The following FHIP1A variants were observed in gnomAD, a reference collection of about 807,000 sequenced individuals.
FHIP1A encodes FHF complex subunit HOOK-interacting protein 1A.
A neutral mutation model predicts 88.6 loss-of-function variants in FHIP1A; 61 were observed. The observed-to-expected ratio is 0.69, with a 90% CI of 0.56 to 0.85. The LOEUF (loss-of-function observed/expected upper bound fraction) is 0.85, where lower values mean the gene tolerates loss of function less well. FHIP1A is among the 40% of genes least tolerant of loss of function. The probability of loss-of-function intolerance (pLI) is 0.00; values close to 1 mark genes in which losing one functional copy is unlikely to be tolerated. For missense variants in FHIP1A, 1,154 were observed against 1,273.5 expected (o/e 0.91, Z 1.43); for synonymous variants, 478 against 496.0 (o/e 0.96, Z 0.48).
Position 151,414,342 on chromosome 4 carries a change from C to T in FHIP1A, c.-356+4877C>T, listed in dbSNP as rs142909310. On this transcript the variant is annotated intron_variant, in intron 1 of 13. Transcript: ENST00000435205. The stretch of plus-strand genomic sequence containing the variant: ...GGCTGGGATTACAGGCTTGAGCCAC[C>T]GCGTCTGGCCTCTATCTAGTTTTTA... 2.3e-3 allele frequency among the ~76,000 whole-genome samples: 352 copies of T among 152,266 alleles called. 3 individuals are homozygous for T. Among genetic ancestry groups the T allele is most frequent in the African/African-American group, 8.0e-3 (333 of 41,562 alleles).
intron 6 of FHIP1A, among the ~76,000 whole-genome samples, chr4:151,588,265 C>T (rs545101090): frequency 2.6e-5 from 4 of 151,868 alleles, no homozygotes; most frequent in East Asian, 1.9e-4. Flanking sequence ...TAATGTTTTC[C>T]GCTTTTGAAT....
intron 3 of FHIP1A, among the ~76,000 whole-genome samples, chr4:151,496,709 C>T (rs944729058): frequency 3.4e-5 from 3 of 87,064 alleles, no homozygotes; most frequent in African/African-American, 4.6e-5. Context: ...CATACCACCA[C>T]GTCCAGCTTT....
At chr4:151,542,005 G>A (rs1451036790) in intron 3 of FHIP1A, among the ~76,000 whole-genome samples, 2 of 152,176 alleles carry the variant, frequency 1.3e-5, no homozygotes, top group Non-Finnish European at 2.9e-5. Flanking sequence ...GCCTTGGGAA[G>A]TTCACACCAT....
intron 2 of FHIP1A, among the ~76,000 whole-genome samples, chr4:151,464,242 T>C (rs1729232746): frequency 6.6e-6 from 1 of 152,194 alleles, no homozygotes; most frequent in Non-Finnish European, 1.5e-5. Context: ...TGTATTATAA[T>C]AGAATCACAG....
chr4:151,462,336 T>C (rs2126601934), intron 2 of FHIP1A, among the ~76,000 whole-genome samples: 1 of 152,246 alleles, frequency 6.6e-6, no homozygotes, highest in South Asian at 2.1e-4. Flanking sequence ...TCCGTATCTT[T>C]CTTGGTTTTC....
intron 3 of FHIP1A, among the ~76,000 whole-genome samples, chr4:151,486,228 T>C (rs1396448011): frequency 3.9e-5 from 6 of 152,190 alleles, no homozygotes; most frequent in African/African-American, 1.4e-4. Context: ...GGTACCAGTC[T>C]GGGTCTCAGA....
At position 151,668,163 on chromosome 4, in the gene FHIP1A, T is replaced by C. The variant is rs1159364328; in HGVS notation, c.*5409T>C. Among the ~76,000 whole-genome samples the C allele has an allele frequency of 7.2e-5, 11 of 152,212 alleles. No homozygotes were observed. The highest frequency in any genetic ancestry group is 4.4e-5 in the Non-Finnish European group (3 of 68,032). On this transcript the variant is annotated 3_prime_UTR_variant, in exon 14 of 14. Coordinates refer to ENST00000435205, the MANE Select transcript of FHIP1A (RefSeq NM_001109977.3). ...GTCAGCTCTATTTGCAAATAATCCA[T>C]GAATATGTTTGTCTAAAACCTGCTG... is the stretch of plus-strand genomic sequence containing the variant.
At chr4:151,416,546 T>C (rs1342358584) in intron 1 of FHIP1A, among the ~76,000 whole-genome samples, 1 of 152,170 alleles carries the variant, frequency 6.6e-6, no homozygotes, top group Non-Finnish European at 1.5e-5. Context: ...AAGTATATAG[T>C]GATATAAGGA....
Position 151,578,021 on chromosome 4 carries a change from C to T in FHIP1A, c.677C>T (p.Ser226Phe), listed in dbSNP as rs1296152251. The stretch of plus-strand genomic sequence containing the variant: ...GCATTGCTCTTCATCATGTCTCTTT[C>T]TGCTGAGAACACCATGGTGGCCCAT... Reference protein sequence around the residue: ...RDALLFIMSLSAENTMVAHHI... With the variant: ...RDALLFIMSLFAENTMVAHHI... The change falls in exon 5 of 14, where the codon TCT (serine) becomes TTT (phenylalanine). Residue 226 changes from serine (S) to phenylalanine (F), a missense_variant. Coordinates refer to ENST00000435205, the MANE Select transcript of FHIP1A (RefSeq NM_001109977.3). 1 of 1,551,146 alleles carries T rather than the reference C, an allele frequency of 6.4e-7. No homozygotes were observed. The highest frequency in any genetic ancestry group is 1.2e-5 in the South Asian group (1 of 84,034).
intron 3 of FHIP1A, among the ~76,000 whole-genome samples, chr4:151,558,688 C>T (rs960896304): frequency 6.6e-6 from 1 of 152,154 alleles, no homozygotes; most frequent in African/African-American, 2.4e-5. Flanking sequence ...TGACCGATTT[C>T]GTTGTTCCTT....
chr4:151,529,814 A>T lies in FHIP1A; in HGVS notation c.-122-36324A>T, dbSNP rs936722825. Among the ~76,000 whole-genome samples the T allele has an allele frequency of 3.9e-5, 6 of 152,208 alleles. 1 individual carries two copies. Among genetic ancestry groups the T allele is most frequent in the Admixed American group, 2.0e-4 (3 of 15,286 alleles). On this transcript the variant is annotated intron_variant, in intron 3 of 13. Transcript: ENST00000435205. ...TTAAGTACTTTGCTTAAAGTTACAG[A>T]CTTAGTAAGTAGCAAAACTGTGATT...
intron 3 of FHIP1A, among the ~76,000 whole-genome samples, chr4:151,489,143 C>T (rs897920801): frequency 6.6e-6 from 1 of 152,202 alleles, no homozygotes; most frequent in African/African-American, 2.4e-5. Context: ...CCTCTGCACC[C>T]ACATCCCACT....
intron 3 of FHIP1A, among the ~76,000 whole-genome samples, chr4:151,559,520 T>G (rs1733088634): frequency 6.6e-6 from 1 of 152,232 alleles, no homozygotes; most frequent in Admixed American, 6.5e-5. Flanking sequence ...ACATTGCTTT[T>G]CTTCTTACAC....
chr4:151,558,613 T>C (rs4696097), intron 3 of FHIP1A, among the ~76,000 whole-genome samples: 49,283 of 152,074 alleles, frequency 0.32, 8,017 homozygotes, highest in Non-Finnish European at 0.34. Context: ...AGTGAAGTTA[T>C]GGTAAGCTGA....
At chr4:151,425,448 A>G (rs1179697077) in intron 1 of FHIP1A, among the ~76,000 whole-genome samples, 1 of 152,196 alleles carries the variant, frequency 6.6e-6, no homozygotes, top group Non-Finnish European at 1.5e-5. Context: ...TATAAATATA[A>G]AATCATGAAT....
intron 1 of FHIP1A, among the ~76,000 whole-genome samples, chr4:151,440,633 C>T (rs138553935): frequency 2.2e-4 from 33 of 152,186 alleles, no homozygotes; most frequent in South Asian, 6.2e-4. Flanking sequence ...ACCATCATGG[C>T]CCTGGGTACA....
At chr4:151,511,792 C>T (rs561916548) in intron 3 of FHIP1A, among the ~76,000 whole-genome samples, 2 of 152,384 alleles carry the variant, frequency 1.3e-5, no homozygotes, top group Non-Finnish European at 1.5e-5. Flanking sequence ...GAAGCTTGAA[C>T]TGGGTGGAGC....
rs557657941 is a variant in FHIP1A, at chr4:151,624,629, C to T, written c.979-5073C>T. 8.5e-5 allele frequency among the ~76,000 whole-genome samples: 13 copies of T among 152,242 alleles called. No homozygotes were observed. In the South Asian group the frequency reaches 2.7e-3, roughly 32 times the overall value. ...TTGGCTTTTATTTTAATACACTTTC[C>T]TCAAAATACGTTACTGAAATCCTCA... On this transcript the variant is annotated intron_variant, in intron 7 of 13. Coordinates refer to ENST00000435205, the MANE Select transcript of FHIP1A (RefSeq NM_001109977.3).
chr4:151,492,657 A>AAATTGGAAATT (rs1266478949), intron 3 of FHIP1A, among the ~76,000 whole-genome samples: 2 of 152,150 alleles, frequency 1.3e-5, no homozygotes, highest in Non-Finnish European at 2.9e-5. Context: ...CAGTGGAATA[A>AAATTGGAAATT]AATTGGAAAT....
Sources: allele counts gnomAD v4.1 joint callset (sites outside exome capture counted in the v4.1 genomes callset), GRCh38; gene constraint gnomAD v4.1.1; transcripts MANE v1.5; gene names NCBI Gene and HGNC (gene_info 2026-07-23, HGNC 2026-07-21).